Variants in ZNF221 observed in about 807,000 individuals in gnomAD.
ZNF221 encodes zinc finger protein 221.
A neutral mutation model predicts 12.6 loss-of-function variants in ZNF221; 10 were observed. The observed-to-expected ratio is 0.79, with a 90% CI of 0.49 to 1.34. ZNF221 has a LOEUF of 1.34. Ranked by LOEUF, ZNF221 falls within the 40% of genes most tolerant of loss-of-function variation. The probability of loss-of-function intolerance (pLI) is 0.00; values close to 1 mark genes in which losing one functional copy is unlikely to be tolerated. For missense variants in ZNF221, 661 were observed against 721.4 expected (o/e 0.92, Z 0.96); for synonymous variants, 232 against 244.0 (o/e 0.95, Z 0.46).
At chr19:43,957,356 A>G (rs143711310) in intron 1 of ZNF221, among the ~76,000 whole-genome samples, 243 of 152,018 alleles carry the variant, frequency 1.6e-3, no homozygotes, top group African/African-American at 5.6e-3. Context: ...AATTTTTAGT[A>G]GAGACGGGGT....
chr19:43,958,272 G>A (rs1029586779), intron 1 of ZNF221, among the ~76,000 whole-genome samples: 11 of 152,118 alleles, frequency 7.2e-5, no homozygotes, highest in African/African-American at 1.9e-4. Flanking sequence ...CAAAAGTCAC[G>A]TGGGGTATCC....
chr19:43,973,987 C>T, the ZNF221 span, among the ~76,000 whole-genome samples: 14 of 152,242 alleles, frequency 9.2e-5, no homozygotes, highest in African/African-American at 1.7e-4. Context: ...CATTATGCAA[C>T]CCAACTTCAA....
At chr19:43,969,032 C>T (rs11671384), downstream of ZNF221, among the ~76,000 whole-genome samples, 16,890 of 152,210 alleles carry the variant, frequency 0.11, 992 homozygotes, top group East Asian at 0.14. Context: ...GCAGATTCAT[C>T]CTTATATTCC....
At chr19:43,969,560 G>T (rs780248863), downstream of ZNF221, among the ~76,000 whole-genome samples, 68 of 151,930 alleles carry the variant, frequency 4.5e-4, no homozygotes, top group Non-Finnish European at 8.4e-4. Context: ...TGTTGGCCAG[G>T]CTGGTCTTGA....
intron 3 of ZNF221, 62 bp from the exon 4 acceptor site, chr19:43,965,171 A>G: frequency 6.3e-7 from 1 of 1,593,460 alleles, no homozygotes; most frequent in East Asian, 2.2e-5. Context: ...AATTTCCAGT[A>G]AATTTTCCCT....
chr19:43,968,513 A>G (rs143656818), downstream of ZNF221, among the ~76,000 whole-genome samples: 218 of 152,360 alleles, frequency 1.4e-3, no homozygotes, highest in African/African-American at 5.0e-3. Context: ...TTGAAATATC[A>G]GAGATGTGAT....
intron 1 of ZNF221, chr19:43,960,457 C>T (rs1249606285): frequency 1.3e-5 from 2 of 152,172 alleles, no homozygotes; most frequent in African/African-American, 4.8e-5. Context: ...TGTGGAGCAA[C>T]CACTCGCAAA....
Position 43,965,906 on chromosome 19 carries a change from G to T in ZNF221, c.404G>T (p.Arg135Met). 4.3e-6 allele frequency: 7 copies of T among 1,614,160 alleles called. No individual in the cohort carries two copies. Among genetic ancestry groups the T allele is most frequent in the African/African-American group, 1.3e-5 (1 of 75,038 alleles). ...IWEQIASDLT[R>M]SQNSIRNSSQ... Reference sequence around the variant, plus strand: ...GAACAAATTGCAAGTGACCTAACCAGGTCTCAAAACTCCATAAGGAACAGC... The same window carrying T: ...GAACAAATTGCAAGTGACCTAACCATGTCTCAAAACTCCATAAGGAACAGC... The change falls in exon 5 of 5, where the codon AGG (arginine) becomes ATG (methionine). Residue 135 changes from arginine to methionine, a missense_variant. Physicochemically the swap from Arg to Met is moderately conservative, Grantham distance 91. Coordinates refer to ENST00000587682, the MANE Select transcript of ZNF221 (RefSeq NM_001297588.2).
chr19:43,966,758 A>G lies in ZNF221; in HGVS notation c.1256A>G (p.Gln419Arg), dbSNP rs1476245790. The change falls in exon 5 of 5, where the codon CAA becomes CGA. Residue 419 changes from glutamine to arginine, a missense_variant. Gln to Arg is a conservative substitution (Grantham distance 43). Transcript: ENST00000587682. Reference sequence around the variant, plus strand: ...AACCATCAGCAAGTCCACAGTGGACAAAAATCCTTCAAATGTGAAGAATGT... The same window carrying G: ...AACCATCAGCAAGTCCACAGTGGACGAAAATCCTTCAAATGTGAAGAATGT... ...LLNHQQVHSGQKSFKCEECGK... is the reference protein window; with the variant it reads ...LLNHQQVHSGRKSFKCEECGK... 4 of 1,614,256 alleles carry G rather than the reference A, an allele frequency of 2.5e-6. No individual in the cohort carries two copies. The highest frequency in any genetic ancestry group is 3.4e-6 in the Non-Finnish European group (4 of 1,180,048).
chr19:43,953,852 G>T (rs1974713100), intron 1 of ZNF221, among the ~76,000 whole-genome samples: 1 of 152,076 alleles, frequency 6.6e-6, no homozygotes, highest in Non-Finnish European at 1.5e-5. Flanking sequence ...GGAGGCTGAG[G>T]TGGGTGGATC....
At position 43,966,703 on chromosome 19, in the gene ZNF221, A is replaced by T. The variant is rs1974970662; in HGVS notation, c.1201A>T (p.Lys401Ter). The change falls in exon 5 of 5, where the codon AAG (lysine) becomes TAG (stop). Residue 401 changes from lysine (K) to a stop codon, truncating the protein, a stop_gained. Coordinates refer to ENST00000587682, the MANE Select transcript of ZNF221 (RefSeq NM_001297588.2). LOFTEE classifies it low-confidence loss of function (END_TRUNC). Reference protein sequence around the residue: ...EKPYNCKECGKTFRWSSCLLN... With the variant: ...EKPYNCKECG ...ACCATATAATTGTAAAGAATGTGGG[A>T]AGACCTTCAGATGGTCCTCATGTCT... 6.2e-7 allele frequency: 1 copy of T among 1,614,248 alleles called. No homozygotes were observed. Among genetic ancestry groups the T allele is most frequent in the Non-Finnish European group, 8.5e-7 (1 of 1,180,048 alleles).
chr19:43,974,980 T>C, the ZNF221 span, among the ~76,000 whole-genome samples: 1 of 151,384 alleles, frequency 6.6e-6, no homozygotes, highest in Non-Finnish European at 1.5e-5. Context: ...GTCAAGGTCA[T>C]GCCACTGCAC....
the ZNF221 span, among the ~76,000 whole-genome samples, chr19:43,980,871 C>A: frequency 5.8e-4 from 88 of 152,268 alleles, no homozygotes; most frequent in Non-Finnish European, 1.1e-3. Context: ...TGCAATGTGT[C>A]CCAGCTGCTA....
the ZNF221 span, among the ~76,000 whole-genome samples, chr19:43,974,840 G>A: frequency 6.6e-5 from 10 of 152,014 alleles, no homozygotes; most frequent in Non-Finnish European, 1.2e-4. Context: ...CCAACATGGC[G>A]AAACGAACCC....
downstream of ZNF221, among the ~76,000 whole-genome samples, chr19:43,969,319 A>G (rs1323252032): frequency 7.1e-6 from 1 of 141,616 alleles, no homozygotes; most frequent in Admixed American, 7.1e-5. Context: ...TTGCCAGATC[A>G]TGCCCAGACT....
In ZNF221 at chr19:43,965,171, A is replaced by T. The variant is rs1316310445; in HGVS notation, c.209-62A>T. 5 of 1,593,342 alleles carry T rather than the reference A, an allele frequency of 3.1e-6. 1 individual carries two copies. The highest frequency in any genetic ancestry group is 4.3e-6 in the Non-Finnish European group (5 of 1,168,390). ...TGCATTGGGAACCTAAATTTCCAGT[A>T]AATTTTCCCTAGATATTACCTACAA... On this transcript the variant is annotated intron_variant, in intron 3 of 4. Coordinates refer to ENST00000587682, the MANE Select transcript of ZNF221 (RefSeq NM_001297588.2).
Position 43,965,875 on chromosome 19 carries a change from A to G in ZNF221, c.373A>G (p.Ile125Val). 1.2e-6 allele frequency: 2 copies of G among 1,614,074 alleles called. No homozygotes were observed. Among genetic ancestry groups the G allele is most frequent in the Non-Finnish European group, 1.7e-6 (2 of 1,179,936 alleles). Residue 125 changes from isoleucine to valine, a missense_variant, in exon 5 of 5, where the codon ATA becomes GTA. Ile to Val is a conservative substitution (Grantham distance 29). Transcript: ENST00000587682. ...ACATGAAGAGTGGTCCTGTCAGCAA[A>G]TATGGGAACAAATTGCAAGTGACCT... The part of the protein sequence containing the change: ...GPHEEWSCQQ[I>V]WEQIASDLTR...
intron 2 of ZNF221, among the ~76,000 whole-genome samples, 156 bp downstream of exon 2, chr19:43,962,963 C>T (rs1337046058): frequency 2.0e-5 from 3 of 152,104 alleles, no homozygotes; most frequent in Non-Finnish European, 4.4e-5. Context: ...ATTGACTTTC[C>T]GTTTGGTTTT....
At chr19:43,959,594 A>C (rs1455424796) in intron 1 of ZNF221, among the ~76,000 whole-genome samples, 1 of 152,128 alleles carries the variant, frequency 6.6e-6, no homozygotes, top group East Asian at 1.9e-4. Flanking sequence ...CTGGTTGTTT[A>C]AAAGAATTTG....
Sources: gnomAD v4.1 joint callset for allele counts (sites outside exome capture counted in the v4.1 genomes callset) on GRCh38, gnomAD v4.1.1 for gene constraint, MANE v1.5 for transcripts, NCBI Gene and HGNC (gene_info 2026-07-23, HGNC 2026-07-21) for gene names.